The following COQ8B variants were observed in gnomAD, a reference collection of about 807,000 sequenced individuals.
The protein encoded by COQ8B is atypical kinase COQ8B, mitochondrial.
In COQ8B, 44 loss-of-function variants were observed where a neutral mutation model predicts 62.0. The ratio of observed to expected loss-of-function variants is 0.71; its 90% CI spans 0.56 to 0.91. The LOEUF (loss-of-function observed/expected upper bound fraction) is 0.91, where lower values mean the gene tolerates loss of function less well. Ranked by LOEUF, COQ8B falls within the 40% of genes least tolerant of loss-of-function variation. The pLI is 0.00. For synonymous variants in COQ8B, 252 were observed against 289.9 expected, an observed-to-expected ratio of 0.87 and a Z score of 1.33; for missense variants, 649 against 731.6, an observed-to-expected ratio of 0.89 and a Z score of 1.30.
intron 5 of COQ8B, among the ~76,000 whole-genome samples, chr19:40,706,935 G>A (rs2082104952): frequency 6.6e-6 from 1 of 152,122 alleles, no homozygotes; most frequent in African/African-American, 2.4e-5. Flanking sequence ...ACAGAGTTGT[G>A]CAAGCATCAC....
chr19:40,693,841 G>C (rs1362722652), intron 13 of COQ8B, among the ~76,000 whole-genome samples: 2 of 151,556 alleles, frequency 1.3e-5, no homozygotes, highest in East Asian at 3.9e-4. Context: ...TTTCACAGAA[G>C]GGGAAGCAGA....
At chr19:40,715,627 T>C in intron 1 of COQ8B, 2 of 984,632 alleles carry the variant, frequency 2.0e-6, no homozygotes, top group Non-Finnish European at 2.4e-6. Flanking sequence ...TTCAACTCTC[T>C]CGTGTACATA....
intron 13 of COQ8B, among the ~76,000 whole-genome samples, chr19:40,695,036 G>A (rs1004731534): frequency 3.3e-5 from 5 of 152,194 alleles, no homozygotes; most frequent in African/African-American, 4.8e-5. Flanking sequence ...CATTTAGATT[G>A]GCTGGGCAGG....
intron 5 of COQ8B, among the ~76,000 whole-genome samples, chr19:40,709,747 C>A (rs746089315): frequency 3.9e-5 from 6 of 152,048 alleles, no homozygotes; most frequent in Non-Finnish European, 5.9e-5. Flanking sequence ...GAGGCTGAGG[C>A]AGGAGAATTG....
At position 40,710,140 on chromosome 19, in the gene COQ8B, G is replaced by C. The variant is rs1038594257; in HGVS notation, c.290-4C>G. ...AGCCCCAAGCCCACAGCCAGTCCTGGAGTGCAAGAGAAGAACATGAGTGCC... is the reference window on the plus strand; with the variant it reads ...AGCCCCAAGCCCACAGCCAGTCCTGCAGTGCAAGAGAAGAACATGAGTGCC... On this transcript the variant is annotated splice_polypyrimidine_tract_variant and splice_region_variant and intron_variant, in intron 4 of 14. Transcript: ENST00000324464. 1.9e-6 allele frequency: 3 copies of C among 1,613,978 alleles called. No homozygotes were observed. Among genetic ancestry groups the C allele is most frequent in the Middle Eastern group, 1.7e-4 (1 of 6,060 alleles).
intron 12 of COQ8B, among the ~76,000 whole-genome samples, chr19:40,699,388 C>G (rs2082043807): frequency 1.3e-5 from 2 of 152,018 alleles, no homozygotes; most frequent in African/African-American, 4.8e-5. Context: ...ACCCCTCTGC[C>G]TGTGCCTCCC....
Position 40,705,372 on chromosome 19 carries a change from G to C in COQ8B, c.443C>G (p.Thr148Arg), listed in dbSNP as rs145416274. Residue 148 changes from threonine to arginine, a missense_variant, in exon 6 of 15, where the codon ACA becomes AGA. Physicochemically the swap from Thr to Arg is moderately conservative, Grantham distance 71 (BLOSUM62 -1). Transcript: ENST00000324464. ...NAERIVQTLC[T>R]VRGAALKVGQ... is the part of the protein sequence containing the mutation. ...AACCTTGAGGGCGGCCCCTCGAACT[G>C]TACATAAGGTCTGCACAATCCGCTC... The C allele has an allele frequency of 6.2e-7, 1 of 1,601,730 alleles. No homozygotes were observed. The highest frequency in any genetic ancestry group is 1.3e-5 in the African/African-American group (1 of 74,710).
Position 40,692,662 on chromosome 19 carries a change from C to T in COQ8B, c.1296+289G>A, listed in dbSNP as rs536145171. 5.9e-5 allele frequency among the ~76,000 whole-genome samples: 9 copies of T among 152,178 alleles called. No homozygotes were observed. The South Asian group carries it at 1.9e-3, about 32-fold the overall frequency. ...CGGCCTTCGCCCCTCCTGAACAGAT[C>T]CACGGTGCCCATGTTCCCAGGGTTC... On this transcript the variant is annotated intron_variant, in intron 14 of 14. Coordinates refer to ENST00000324464, the MANE Select transcript of COQ8B (RefSeq NM_024876.4).
At chr19:40,707,341 C>A (rs2082108390) in intron 5 of COQ8B, among the ~76,000 whole-genome samples, 1 of 151,754 alleles carries the variant, frequency 6.6e-6, no homozygotes, top group African/African-American at 2.4e-5. Context: ...TCTCCCCAGG[C>A]CTTGACAACC....
At chr19:40,704,840 C>A (rs2082087824) in intron 7 of COQ8B, 1 of 452,756 alleles carries the variant, frequency 2.2e-6, no homozygotes, top group Non-Finnish European at 4.0e-6. Context: ...ATTTATGTGA[C>A]CCTATGATGT....
Position 40,714,396 on chromosome 19 carries a change from C to T in COQ8B, c.104G>A (p.Gly35Glu). The change falls in exon 3 of 15, where the codon GGA becomes GAA. Residue 35 changes from glycine to glutamate, a missense_variant and splice_region_variant. Coordinates refer to ENST00000324464, the MANE Select transcript of COQ8B (RefSeq NM_024876.4). ...GALGPGPHRW[G>E]PCGGSWAQKF... ...TTGGGCCCAAGAACCTCCACATGGT[C>T]CCTGCAAGAGATATACTTTGATAAG... 3.1e-6 allele frequency: 5 copies of T among 1,613,720 alleles called. No homozygotes were observed. The highest frequency in any genetic ancestry group is 4.2e-6 in the Non-Finnish European group (5 of 1,179,860).
Position 40,703,542 on chromosome 19 carries a change from CGCGGGCAGG to C in COQ8B, c.789_797del (p.Leu264_Ala266del), listed in dbSNP as rs753297525. ...CAGAGGAGTGGGTGGGCGCCTCACCCGCGGGCAGGGCCGCGCTCATCTTGAGTACCGCCA... is the reference window on the plus strand; with the variant it reads ...CAGAGGAGTGGGTGGGCGCCTCACCCGCCGCGCTCATCTTGAGTACCGCCA... On this transcript the variant is annotated inframe_deletion and splice_region_variant, in exon 9 of 15. Transcript: ENST00000324464. The C allele has an allele frequency of 6.3e-7, 1 of 1,598,304 alleles. No individual in the cohort carries two copies. The highest frequency in any genetic ancestry group is 8.5e-7 in the Non-Finnish European group (1 of 1,170,702).
At chr19:40,698,019 C>T (rs1199473625) in intron 12 of COQ8B, among the ~76,000 whole-genome samples, 1 of 149,894 alleles carries the variant, frequency 6.7e-6, no homozygotes, top group Non-Finnish European at 1.5e-5. Context: ...AGTTCGAGAC[C>T]AGCCTGGCCA....
chr19:40,709,996 G>T lies in COQ8B; in HGVS notation c.367+63C>A. 1.9e-6 allele frequency: 3 copies of T among 1,563,198 alleles called. No homozygotes were observed. The South Asian group carries it at 3.4e-5, about 17-fold the overall frequency. ...GGAAACTGGAGCTCAGAGGGGTGAA[G>T]TCACTTGCCCCAGGTCACACAGCAA... On this transcript the variant is annotated intron_variant, in intron 5 of 14. Coordinates refer to ENST00000324464, the MANE Select transcript of COQ8B (RefSeq NM_024876.4).
intron 12 of COQ8B, among the ~76,000 whole-genome samples, chr19:40,698,675 G>A (rs903592321): frequency 2.0e-5 from 3 of 152,268 alleles, no homozygotes; most frequent in Admixed American, 6.5e-5. Context: ...AGAAAGAAGA[G>A]GCAAGGGACT....
intron 9 of COQ8B, chr19:40,703,281 A>C: frequency 2.1e-6 from 1 of 470,750 alleles, no homozygotes; most frequent in Non-Finnish European, 3.8e-6. Context: ...CCCTGCATGC[A>C]CACCCTCTGA....
chr19:40,696,012 C>T lies in COQ8B; in HGVS notation c.1186G>A (p.Glu396Lys), dbSNP rs1318617277. ...ACCTCGATGTAATGGTCTGTGAACTCTGTCCCAAACTCCCGGCTTGCACCA... is the reference window on the plus strand; with the variant it reads ...ACCTCGATGTAATGGTCTGTGAACTTTGTCCCAAACTCCCGGCTTGCACCA... ...DFGASREFGT[E>K]FTDHYIEVVK... is the part of the protein sequence containing the mutation. Residue 396 changes from glutamate (E) to lysine (K), a missense_variant, in exon 13 of 15, where the codon GAG becomes AAG. Glu to Lys is a moderately conservative substitution (Grantham distance 56). Transcript: ENST00000324464. 1 of 1,614,078 alleles carries T rather than the reference C, an allele frequency of 6.2e-7. No homozygotes were observed. Among genetic ancestry groups the T allele is most frequent in the Non-Finnish European group, 8.5e-7 (1 of 1,180,048 alleles).
chr19:40,704,979 C>T (rs1599632835), intron 7 of COQ8B, 117 bp downstream of exon 7: 1 of 974,782 alleles, frequency 1.0e-6, no homozygotes, highest in East Asian at 2.7e-5. Flanking sequence ...TCCCATTTTA[C>T]AGATGGGGAA....
At chr19:40,692,449 T>G in intron 14 of COQ8B, 76 bp from the exon 15 acceptor site, 1 of 1,307,844 alleles carries the variant, frequency 7.6e-7, no homozygotes, top group East Asian at 2.5e-5. Context: ...AGAAACAACG[T>G]GTAGCCTCCA....
Sources: gnomAD v4.1 joint callset for allele counts (sites outside exome capture counted in the v4.1 genomes callset) on GRCh38, gnomAD v4.1.1 for gene constraint, MANE v1.5 for transcripts, NCBI Gene and HGNC (gene_info 2026-07-23, HGNC 2026-07-21) for gene names.